Variants in TMEM79 observed in about 807,000 individuals in gnomAD.
TMEM79 encodes transmembrane protein 79.
A neutral mutation model predicts 31.2 loss-of-function variants in TMEM79; 30 were observed. The ratio of observed to expected loss-of-function variants is 0.96; its 90% CI spans 0.72 to 1.30. TMEM79 has a LOEUF of 1.30. Among genes scored for constraint, TMEM79 ranks in the 50% most tolerant of loss-of-function variants. The pLI is 0.00. For synonymous variants in TMEM79, 213 were observed against 229.5 expected (o/e 0.93, Z 0.65); for missense variants, 509 against 528.2 (o/e 0.96, Z 0.36).
intron 3 of TMEM79, among the ~76,000 whole-genome samples, chr1:156,287,606 CTTTTTT>C (rs745468403): frequency 2.8e-5 from 2 of 72,640 alleles, no homozygotes; most frequent in Admixed American, 2.1e-4. Flanking sequence ...TTACTCTCCA[CTTTTTT>C]TTTTTTTTTT....
chr1:156,283,538 T>C (rs556880708), upstream of TMEM79, among the ~76,000 whole-genome samples: 2 of 150,178 alleles, frequency 1.3e-5, no homozygotes, highest in East Asian at 2.0e-4. Flanking sequence ...AATCCTCACA[T>C]TGGAAATCAG....
At chr1:156,284,709 C>T (rs1484911238) in intron 1 of TMEM79, among the ~76,000 whole-genome samples, 2 of 152,166 alleles carry the variant, frequency 1.3e-5, no homozygotes, top group African/African-American at 4.8e-5. Flanking sequence ...ACTGGTCTCA[C>T]TTGGAATGCA....
In TMEM79 at chr1:156,285,371, G is replaced by A. The variant is rs138995703; in HGVS notation, c.145G>A (p.Val49Met). 3.9e-4 allele frequency: 616 copies of A among 1,582,438 alleles called. 3 individuals carry two copies. In the African/African-American group the frequency reaches 5.0e-3, roughly 13 times the overall value. The change falls in exon 2 of 4, where the codon GTG becomes ATG. Residue 49 changes from valine to methionine, a missense_variant. Coordinates refer to ENST00000405535, the MANE Select transcript of TMEM79 (RefSeq NM_032323.3). ...ATCCCCGGGAGCTGAGTCCCTCAGA[G>A]TGGGGTCTTCAGCTGGATCTCCCAC... ...AESPGAESLR[V>M]GSSAGSPTAI...
At chr1:156,287,442 A>T (rs190874884) in intron 3 of TMEM79, among the ~76,000 whole-genome samples, 36 of 151,908 alleles carry the variant, frequency 2.4e-4, no homozygotes, top group African/African-American at 6.0e-4. Context: ...AATTAAAATT[A>T]AAAAAATATA....
At chr1:156,287,605 A>AC (rs1489911690) in intron 3 of TMEM79, among the ~76,000 whole-genome samples, 34 of 97,304 alleles carry the variant, frequency 3.5e-4, no homozygotes, top group Middle Eastern at 0.014. Context: ...CTTACTCTCC[A>AC]CTTTTTTTTT....
chr1:156,291,709 G>A lies in TMEM79; in HGVS notation c.*111G>A. Reference sequence around the variant, plus strand: ...CCCCAGGCCTAGGACCGCGGTGGGTGGAACCCTGCTACTGCCCCAACAGGG... The same window carrying A: ...CCCCAGGCCTAGGACCGCGGTGGGTAGAACCCTGCTACTGCCCCAACAGGG... On this transcript the variant is annotated 3_prime_UTR_variant, in exon 4 of 4. Coordinates refer to ENST00000405535, the MANE Select transcript of TMEM79 (RefSeq NM_032323.3). The A allele has an allele frequency of 2.2e-6, 2 of 919,198 alleles. No homozygotes were observed. Among genetic ancestry groups the A allele is most frequent in the Non-Finnish European group, 1.7e-6 (1 of 583,890 alleles). 56.9% of individuals were successfully genotyped at this position (919,198 alleles called of 1,614,324 possible).
In TMEM79 at chr1:156,291,861, G is replaced by C; in HGVS notation, c.*263G>C. 1 of 596,408 alleles carries C rather than the reference G, an allele frequency of 1.7e-6. No homozygotes were observed. The highest frequency in any genetic ancestry group is 3.0e-6 in the Non-Finnish European group (1 of 334,602). The allele number at this position is 596,408 out of a possible 1,614,324, so 36.9% of individuals were successfully genotyped here. A position where few individuals can be genotyped will look rare whatever the true frequency, so the allele number is the denominator to read the frequency against. The stretch of plus-strand genomic sequence containing the variant: ...GTGGACAGCCGTGTTTCTTAAGGAT[G>C]CTGAGGGCATGGGGCCAGGACCAGG... On this transcript the variant is annotated 3_prime_UTR_variant, in exon 4 of 4. Coordinates refer to ENST00000405535, the MANE Select transcript of TMEM79 (RefSeq NM_032323.3).
At position 156,292,016 on chromosome 1, in the gene TMEM79, C is replaced by A; in HGVS notation, c.*418C>A. On this transcript the variant is annotated 3_prime_UTR_variant, in exon 4 of 4. Coordinates refer to ENST00000405535, the MANE Select transcript of TMEM79 (RefSeq NM_032323.3). ...GCCACAGCCAAGGCCCTGACCACTT[C>A]TGTGCCAGTTGTCTAAGCAGAGCGC... The A allele has an allele frequency of 2.5e-6, 1 of 400,402 alleles. No homozygotes were observed. The allele number at this position is 400,402 out of a possible 1,614,324, so 24.8% of individuals were successfully genotyped here. A position where few individuals can be genotyped will look rare whatever the true frequency, so the allele number is the denominator to read the frequency against.
rs753162557 is a variant in TMEM79, at chr1:156,291,494, T to A, written c.1081T>A (p.Phe361Ile). ...GCTGATGTGGAACCTCTACTACATGTTCGTGGTGGAGCCGGAGCGCATGCT... is the reference window on the plus strand; with the variant it reads ...GCTGATGTGGAACCTCTACTACATGATCGTGGTGGAGCCGGAGCGCATGCT... ...SMLMWNLYYM[F>I]VVEPERMLTA... Residue 361 changes from phenylalanine to isoleucine, a missense_variant, in exon 4 of 4, where the codon TTC becomes ATC. Physicochemically the swap from Phe to Ile is conservative, Grantham distance 21 (BLOSUM62 0). Transcript: ENST00000405535. 1.9e-6 allele frequency: 3 copies of A among 1,613,120 alleles called. No individual in the cohort carries two copies. Among genetic ancestry groups the A allele is most frequent in the Non-Finnish European group, 2.5e-6 (3 of 1,180,014 alleles).
At chr1:156,287,986 GGGCA>G (rs1378459532) in intron 3 of TMEM79, among the ~76,000 whole-genome samples, 11 of 151,888 alleles carry the variant, frequency 7.2e-5, no homozygotes, top group Non-Finnish European at 1.2e-4. Context: ...AGGCGGAGGC[GGGCA>G]GATCATGAGG....
intron 1 of TMEM79, 143 bp from the exon 2 acceptor site, chr1:156,285,041 C>T (rs564138500): frequency 3.6e-6 from 2 of 551,336 alleles, no homozygotes; most frequent in Non-Finnish European, 5.8e-6. Flanking sequence ...TCAGTGTCTT[C>T]CTCTGTACCA....
chr1:156,291,508 G>A lies in TMEM79; in HGVS notation c.1095G>A (p.Pro365=), dbSNP rs1397941685. 2 of 1,611,308 alleles carry A rather than the reference G, an allele frequency of 1.2e-6. No homozygotes were observed. Among genetic ancestry groups the A allele is most frequent in the Non-Finnish European group, 1.7e-6 (2 of 1,179,876 alleles). ...TCTACTACATGTTCGTGGTGGAGCCGGAGCGCATGCTCACTGCCACCGAGA... is the reference window on the plus strand; with the variant it reads ...TCTACTACATGTTCGTGGTGGAGCCAGAGCGCATGCTCACTGCCACCGAGA... ...WNLYYMFVVE[P]ERMLTATESR... The change falls in exon 4 of 4, where the codon CCG becomes CCA. Residue 365 remains proline, a synonymous_variant. Transcript: ENST00000405535.
intron 1 of TMEM79, 134 bp from the exon 2 acceptor site, chr1:156,285,050 C>T: frequency 1.7e-6 from 1 of 604,134 alleles, no homozygotes. Context: ...TCCTCTGTAC[C>T]ACGTTCTCCC....
At position 156,291,738 on chromosome 1, in the gene TMEM79, C is replaced by T. The variant is rs1663345819; in HGVS notation, c.*140C>T. The T allele has an allele frequency of 2.8e-6, 2 of 714,990 alleles. No individual in the cohort carries two copies. Among genetic ancestry groups the T allele is most frequent in the Non-Finnish European group, 4.8e-6 (2 of 420,432 alleles). 44.3% of individuals were successfully genotyped at this position (714,990 alleles called of 1,614,324 possible). A position where few individuals can be genotyped will look rare whatever the true frequency, so the allele number is the denominator to read the frequency against. On this transcript the variant is annotated 3_prime_UTR_variant, in exon 4 of 4. Coordinates refer to ENST00000405535, the MANE Select transcript of TMEM79 (RefSeq NM_032323.3). ...CCCTGCTACTGCCCCAACAGGGACT[C>T]CAATCAATCGGAGTTCTCCCCTTGC...
chr1:156,291,870 A>C lies in TMEM79; in HGVS notation c.*272A>C. 1 of 595,402 alleles carries C rather than the reference A, an allele frequency of 1.7e-6. No homozygotes were observed. The highest frequency in any genetic ancestry group is 2.0e-5 in the South Asian group (1 of 49,182). 36.9% of individuals were successfully genotyped at this position (595,402 alleles called of 1,614,324 possible). On this transcript the variant is annotated 3_prime_UTR_variant, in exon 4 of 4. Coordinates refer to ENST00000405535, the MANE Select transcript of TMEM79 (RefSeq NM_032323.3). ...CGTGTTTCTTAAGGATGCTGAGGGC[A>C]TGGGGCCAGGACCAGGGGAGAGGCA...
At chr1:156,288,997 T>C (rs1663243071) in intron 3 of TMEM79, among the ~76,000 whole-genome samples, 1 of 152,214 alleles carries the variant, frequency 6.6e-6, no homozygotes, top group Non-Finnish European at 1.5e-5. Context: ...GGAAGAGAGT[T>C]GCTCAGGTCA....
chr1:156,286,150 C>T (rs1444691164), intron 2 of TMEM79, 110 bp from the exon 3 acceptor site: 2 of 1,367,260 alleles, frequency 1.5e-6, no homozygotes, highest in East Asian at 4.6e-5. Flanking sequence ...ACCTCCACCC[C>T]ACTGTGTAGA....
In TMEM79 at chr1:156,285,274, T is replaced by C. The variant is rs1311371524; in HGVS notation, c.48T>C (p.Asp16=). The C allele has an allele frequency of 6.4e-7, 1 of 1,565,930 alleles. No individual in the cohort carries two copies. Among genetic ancestry groups the C allele is most frequent in the African/African-American group, 1.4e-5 (1 of 73,044 alleles). ...CCCTACTGGAAGTGAAGAGGTCTGATTCCCCAGAGAAGAGCTCACCCCAGG... is the reference window on the plus strand; with the variant it reads ...CCCTACTGGAAGTGAAGAGGTCTGACTCCCCAGAGAAGAGCTCACCCCAGG... ...TLALLEVKRS[D]SPEKSSPQAL... Residue 16 remains aspartate, a synonymous_variant, in exon 2 of 4, where the codon GAT becomes GAC. Coordinates refer to ENST00000405535, the MANE Select transcript of TMEM79 (RefSeq NM_032323.3).
Position 156,285,664 on chromosome 1 carries a change from C to A in TMEM79, c.438C>A (p.Ile146=), listed in dbSNP as rs1249574827. 6.2e-7 allele frequency: 1 copy of A among 1,613,962 alleles called. No individual in the cohort carries two copies. The part of the protein sequence containing the change: ...CIERQPQEDL[I]VRCEAGEGEC... Reference sequence around the variant, plus strand: ...AGCGGCAGCCCCAAGAAGACCTTATCGTGCGCTGTGAGGCAGGCGAGGGCG... The same window carrying A: ...AGCGGCAGCCCCAAGAAGACCTTATAGTGCGCTGTGAGGCAGGCGAGGGCG... Residue 146 remains isoleucine, a synonymous_variant, in exon 2 of 4, where the codon ATC becomes ATA. Transcript: ENST00000405535.
Sources: gnomAD v4.1 joint callset for allele counts (sites outside exome capture counted in the v4.1 genomes callset) on GRCh38, gnomAD v4.1.1 for gene constraint, MANE v1.5 for transcripts, NCBI Gene and HGNC (gene_info 2026-07-23, HGNC 2026-07-21) for gene names.